The following VEPH1 variants were observed in gnomAD, a reference collection of about 807,000 sequenced individuals.
VEPH1 encodes ventricular zone-expressed PH domain-containing protein homolog 1.
Under a neutral mutation model 85.2 loss-of-function variants are expected in VEPH1, and 80 were observed. The ratio of observed to expected loss-of-function variants is 0.94; its 90% confidence interval spans 0.78 to 1.13. VEPH1 has a LOEUF of 1.13. VEPH1 is among the 50% of genes most tolerant of loss of function. The pLI is 0.00. For missense variants in VEPH1, 955 were observed against 980.5 expected, an observed-to-expected ratio of 0.97 and a Z score of 0.35; for synonymous variants, 297 against 348.0, an observed-to-expected ratio of 0.85 and a Z score of 1.63.
chr3:157,502,897 C>T (rs369784592), intron 1 of VEPH1, among the ~76,000 whole-genome samples: 3 of 152,156 alleles, frequency 2.0e-5, no homozygotes, highest in African/African-American at 7.2e-5. Context: ...GTAGGCAGAG[C>T]CAGTTTCTTT....
At chr3:157,463,073 T>C (rs970542367) in intron 3 of VEPH1, among the ~76,000 whole-genome samples, 7 of 152,208 alleles carry the variant, frequency 4.6e-5, no homozygotes, top group Non-Finnish European at 2.9e-5. Context: ...CAGATCCTGG[T>C]AATATCATTT....
At chr3:157,495,553 T>G in intron 1 of VEPH1, 47 bp from the exon 2 acceptor site, 7 of 1,293,800 alleles carry the variant, frequency 5.4e-6, no homozygotes, top group Non-Finnish European at 7.0e-6. Flanking sequence ...CAGAATGGCA[T>G]AAGCTCAGAA....
Position 157,381,285 on chromosome 3 carries a change from C to T in VEPH1, c.998G>A (p.Ser333Asn). 3 of 1,614,166 alleles carry T rather than the reference C, an allele frequency of 1.9e-6. No homozygotes were observed. The highest frequency in any genetic ancestry group is 2.5e-6 in the Non-Finnish European group (3 of 1,180,032). Residue 333 changes from serine (S) to asparagine (N), a missense_variant, in exon 7 of 14, where the codon AGC becomes AAC. Transcript: ENST00000362010. ...FHHILLLEIK[S>N]ITDTFSSILG... is the part of the protein sequence containing the mutation. ...GATTGAGGAGAAGGTGTCGGTGATG[C>T]TTTTAATCTCCAGCAGGAGAATATG...
intron 4 of VEPH1, chr3:157,437,041 T>G (rs386352354): frequency 1.2e-6 from 2 of 1,614,040 alleles, no homozygotes; most frequent in East Asian, 2.2e-5. Context: ...AAATAGACAA[T>G]GGACTCCATC....
chr3:157,310,170 A>G (rs1719954784), intron 11 of VEPH1, among the ~76,000 whole-genome samples: 1 of 152,212 alleles, frequency 6.6e-6, no homozygotes, highest in Admixed American at 6.5e-5. Flanking sequence ...GGTCTGATCA[A>G]AGTAGAAAAG....
At chr3:157,503,020 C>T (rs767164865) in intron 1 of VEPH1, among the ~76,000 whole-genome samples, 3 of 152,178 alleles carry the variant, frequency 2.0e-5, no homozygotes, top group Non-Finnish European at 4.4e-5. Flanking sequence ...GCACAGCTTT[C>T]TGCTCCTGAG....
intron 7 of VEPH1, among the ~76,000 whole-genome samples, chr3:157,365,968 G>T (rs1163588766): frequency 2.0e-5 from 3 of 152,188 alleles, no homozygotes; most frequent in Non-Finnish European, 4.4e-5. Context: ...AGAGACTGGG[G>T]TTGGGTGAGT....
intron 9 of VEPH1, among the ~76,000 whole-genome samples, chr3:157,336,401 C>T (rs1722969493): frequency 6.6e-6 from 1 of 152,118 alleles, no homozygotes; most frequent in Non-Finnish European, 1.5e-5. Flanking sequence ...TAGAAGACCT[C>T]AGCAGAACTG....
intron 5 of VEPH1, among the ~76,000 whole-genome samples, chr3:157,427,043 A>AGT (rs1732808223): frequency 6.6e-6 from 1 of 151,016 alleles, no homozygotes; most frequent in Non-Finnish European, 1.5e-5. Context: ...GCTGGAGCGC[A>AGT]GTGCTGCAAT....
chr3:157,324,650 G>T (rs1577342450), intron 9 of VEPH1, among the ~76,000 whole-genome samples: 1 of 151,298 alleles, frequency 6.6e-6, no homozygotes, highest in East Asian at 1.9e-4. Context: ...CCATGTCCCT[G>T]CAAAAGACAT....
intron 9 of VEPH1, among the ~76,000 whole-genome samples, chr3:157,338,022 A>T (rs999451670): frequency 6.6e-6 from 1 of 152,106 alleles, no homozygotes; most frequent in East Asian, 1.9e-4. Context: ...CCATTCCTCA[A>T]CCAGGGCTTT....
chr3:157,304,036 T>TACACAC lies in VEPH1; in HGVS notation c.2010+9584_2010+9585insGTGTGT, dbSNP rs1467938916. ...ATCTTATATTTTTTATATATATATA[T>TACACAC]ATACACACATACTGTTACATCTTAT... On this transcript the variant is annotated intron_variant, in intron 11 of 13. Coordinates refer to ENST00000362010, the MANE Select transcript of VEPH1 (RefSeq NM_001167912.2). Among the ~76,000 whole-genome samples, 2 of 70,232 alleles carry TACACAC rather than the reference T, an allele frequency of 2.8e-5. 1 individual carries two copies. The highest frequency in any genetic ancestry group is 4.0e-4 in the Admixed American group (2 of 4,994). The allele number at this position is 70,232 out of a possible 152,430, so 46.1% of individuals were successfully genotyped here.
chr3:157,360,774 G>A (rs1296307271), intron 9 of VEPH1, among the ~76,000 whole-genome samples: 3 of 152,092 alleles, frequency 2.0e-5, no homozygotes, highest in Non-Finnish European at 4.4e-5. Context: ...TCTACTGAAT[G>A]TATATGGCTT....
At chr3:157,350,940 C>T (rs1243368160) in intron 9 of VEPH1, among the ~76,000 whole-genome samples, 1 of 152,146 alleles carries the variant, frequency 6.6e-6, no homozygotes, top group Non-Finnish European at 1.5e-5. Flanking sequence ...CTAGTACAAC[C>T]AGTATAGAGA....
chr3:157,367,246 A>C (rs1409960005), intron 7 of VEPH1, among the ~76,000 whole-genome samples: 4 of 152,202 alleles, frequency 2.6e-5, no homozygotes, highest in Non-Finnish European at 5.9e-5. Flanking sequence ...CTAGGCTTGA[A>C]AATGTTTTTC....
At chr3:157,396,693 T>C (rs1354081144) in intron 6 of VEPH1, among the ~76,000 whole-genome samples, 2 of 152,226 alleles carry the variant, frequency 1.3e-5, no homozygotes, top group Non-Finnish European at 2.9e-5. Flanking sequence ...TAATGATCAG[T>C]GATGTTGAGC....
chr3:157,480,789 T>C (rs1046745121), intron 2 of VEPH1, among the ~76,000 whole-genome samples: 2 of 152,158 alleles, frequency 1.3e-5, no homozygotes, highest in Admixed American at 6.5e-5. Flanking sequence ...GGTAGAATAA[T>C]TTATTTTCCT....
intron 4 of VEPH1, among the ~76,000 whole-genome samples, chr3:157,444,723 A>G (rs1178389507): frequency 6.6e-6 from 1 of 152,240 alleles, no homozygotes; most frequent in Non-Finnish European, 1.5e-5. Context: ...CAGATGTTGC[A>G]GGCCGAGATA....
intron 4 of VEPH1, among the ~76,000 whole-genome samples, chr3:157,445,860 A>G (rs1370490747): frequency 2.0e-5 from 3 of 152,320 alleles, no homozygotes; most frequent in African/African-American, 7.2e-5. Context: ...AAACACCCAT[A>G]ACCTAAACTT....
Sources: allele counts gnomAD v4.1 joint callset (sites outside exome capture counted in the v4.1 genomes callset), GRCh38; gene constraint gnomAD v4.1.1; transcripts MANE v1.5; gene names NCBI Gene and HGNC (gene_info 2026-07-23, HGNC 2026-07-21).